The following WIPF1 variants were observed in gnomAD, a reference collection of about 807,000 sequenced individuals.
WIPF1 encodes the protein WAS/WASL interacting protein family member 1.
In WIPF1, 13 loss-of-function variants were observed where a neutral mutation model predicts 35.4. The observed-to-expected ratio is 0.37, with a 90% CI of 0.24 to 0.58. The LOEUF is 0.58. WIPF1 is among the 20% of genes least tolerant of loss of function. WIPF1 has a pLI of 0.74. For synonymous variants in WIPF1, 267 were observed against 266.3 expected (o/e 1.00, Z -0.02); for missense variants, 591 against 667.0 (o/e 0.89, Z 1.25).
chr2:174,632,217 G>A (rs1160178724), intron 1 of WIPF1, among the ~76,000 whole-genome samples: 1 of 152,118 alleles, frequency 6.6e-6, no homozygotes, highest in Non-Finnish European at 1.5e-5. Flanking sequence ...GCCATTCTGT[G>A]TCTCCACTCG....
At chr2:174,652,720 G>A (rs7590527) in intron 1 of WIPF1, among the ~76,000 whole-genome samples, 1 of 151,910 alleles carries the variant, frequency 6.6e-6, no homozygotes, top group African/African-American at 2.4e-5. Flanking sequence ...GTGTGGCTGG[G>A]GTAAGTCAGT....
intron 1 of WIPF1, among the ~76,000 whole-genome samples, chr2:174,670,356 G>C (rs939700350): frequency 6.6e-6 from 1 of 152,202 alleles, no homozygotes; most frequent in African/African-American, 2.4e-5. Context: ...CACAGGGAAA[G>C]CTTCTATTAG....
intron 1 of WIPF1, among the ~76,000 whole-genome samples, chr2:174,642,558 A>G (rs575898407): frequency 6.6e-6 from 1 of 152,098 alleles, no homozygotes; most frequent in Non-Finnish European, 1.5e-5. Context: ...TGTGTTAGCC[A>G]GGATAGTCTC....
At chr2:174,608,441 C>T (rs1686242790) in intron 1 of WIPF1, among the ~76,000 whole-genome samples, 1 of 152,106 alleles carries the variant, frequency 6.6e-6, no homozygotes, top group African/African-American at 2.4e-5. Flanking sequence ...GTTGGAACAT[C>T]ACTTGCCTTA....
At chr2:174,637,719 GGA>G (rs1687214714) in intron 1 of WIPF1, among the ~76,000 whole-genome samples, 1 of 152,206 alleles carries the variant, frequency 6.6e-6, no homozygotes, top group South Asian at 2.1e-4. Context: ...CCCGGGAGGC[GGA>G]GCTTGCAGTG....
At chr2:174,567,247 A>G (rs1684690796) in intron 6 of WIPF1, 64 bp from the exon 7 acceptor site, 1 of 1,430,768 alleles carries the variant, frequency 7.0e-7, no homozygotes, top group African/African-American at 1.4e-5. Context: ...TTACGTAACG[A>G]AAGGCACAGA....
intron 1 of WIPF1, among the ~76,000 whole-genome samples, chr2:174,637,322 T>A (rs1687204690): frequency 6.6e-6 from 1 of 152,200 alleles, no homozygotes. Context: ...CCTCCCCAAC[T>A]GTTTATGATT....
chr2:174,661,729 C>G (rs1383952367), intron 1 of WIPF1, among the ~76,000 whole-genome samples: 1 of 152,150 alleles, frequency 6.6e-6, no homozygotes, highest in Non-Finnish European at 1.5e-5. Flanking sequence ...GCCTTAAGCA[C>G]ACCTCAACAG....
intron 1 of WIPF1, among the ~76,000 whole-genome samples, chr2:174,612,322 C>T (rs780979698): frequency 5.3e-5 from 8 of 152,090 alleles, no homozygotes; most frequent in African/African-American, 1.9e-4. Context: ...TGTGTACGTG[C>T]GTCTGTATAT....
intron 3 of WIPF1, among the ~76,000 whole-genome samples, chr2:174,576,493 T>G (rs1198532825): frequency 6.6e-6 from 1 of 152,222 alleles, no homozygotes; most frequent in Non-Finnish European, 1.5e-5. Flanking sequence ...TGATGGCCCT[T>G]TAGATTGCTA....
intron 1 of WIPF1, among the ~76,000 whole-genome samples, chr2:174,681,912 C>G (rs1409663192): frequency 6.6e-6 from 1 of 152,194 alleles, no homozygotes; most frequent in African/African-American, 2.4e-5. Flanking sequence ...CTTTGTTAAT[C>G]CCAAAGAGCT....
intron 7 of WIPF1, among the ~76,000 whole-genome samples, chr2:174,564,815 GCACACACACACACACA>G (rs10587549): frequency 6.3e-5 from 9 of 143,414 alleles, no homozygotes; most frequent in Non-Finnish European, 1.4e-4. Flanking sequence ...TTCTTCTGGT[GCACACACACACACACA>G]CACACACACA....
At position 174,608,433 on chromosome 2, in the gene WIPF1, T is replaced by C. The variant is rs1396420234; in HGVS notation, c.-38-22822A>G. Among the ~76,000 whole-genome samples the C allele has an allele frequency of 2.0e-5, 3 of 152,170 alleles. No individual in the cohort carries two copies. The East Asian group carries it at 5.8e-4, about 29-fold the overall frequency. ...AGCAAACAAATACAAGTGCTGAGGT[T>C]GGAACATCACTTGCCTTATTTCTTT... On this transcript the variant is annotated intron_variant, in intron 1 of 8. Transcript: ENST00000272746.
chr2:174,671,720 G>C (rs908682557), intron 1 of WIPF1, among the ~76,000 whole-genome samples: 2 of 152,090 alleles, frequency 1.3e-5, no homozygotes, highest in African/African-American at 4.8e-5. Flanking sequence ...ATAAGCCCCG[G>C]TCTCCCGTAG....
intron 1 of WIPF1, among the ~76,000 whole-genome samples, chr2:174,663,103 G>A (rs1316818354): frequency 1.3e-5 from 2 of 152,206 alleles, no homozygotes; most frequent in African/African-American, 4.8e-5. Flanking sequence ...ACGGTCAGGA[G>A]TGAAGAGAGG....
Position 174,568,014 on chromosome 2 carries a change from C to G in WIPF1, c.1189G>C (p.Ala397Pro), listed in dbSNP as rs755377964. ...CTCCTGGATGGCAACTGAGGGGTAG[C>G]AGGCAGGGCCCGAGATGTGCTGCCG... ...RNGSTSRALPATPQLPSRSGV... is the reference protein window; with the variant it reads ...RNGSTSRALPPTPQLPSRSGV... Residue 397 changes from alanine to proline, a missense_variant, in exon 6 of 8, where the codon GCT (alanine) becomes CCT (proline). Physicochemically the swap from Ala to Pro is conservative, Grantham distance 27. Around this residue, in one of 3 missense-constraint regions of WIPF1, gnomAD observed 117 missense variants for 149.6 expected, o/e 0.78. Coordinates refer to ENST00000679041, the MANE Select transcript of WIPF1 (RefSeq NM_001375834.1). 6.8e-6 allele frequency: 11 copies of G among 1,613,896 alleles called. No individual in the cohort carries two copies. Among genetic ancestry groups the G allele is most frequent in the Non-Finnish European group, 9.3e-6 (11 of 1,180,030 alleles).
chr2:174,569,321 C>G (rs1400215209), intron 5 of WIPF1, among the ~76,000 whole-genome samples: 1 of 152,138 alleles, frequency 6.6e-6, no homozygotes, highest in East Asian at 1.9e-4. Flanking sequence ...TCTTCAGTGC[C>G]TCACCTGGGA....
At chr2:174,674,406 A>C (rs953086067) in intron 1 of WIPF1, among the ~76,000 whole-genome samples, 8 of 152,210 alleles carry the variant, frequency 5.3e-5, no homozygotes, top group South Asian at 4.1e-4. Flanking sequence ...TTTCCCATTA[A>C]AACATTTATA....
chr2:174,586,552 G>C (rs1421364941), intron 1 of WIPF1, among the ~76,000 whole-genome samples: 1 of 152,102 alleles, frequency 6.6e-6, no homozygotes, highest in African/African-American at 2.4e-5. Flanking sequence ...CCAGGGCCAG[G>C]AGAGACGATG....
Sources: allele counts gnomAD v4.1 joint callset (sites outside exome capture counted in the v4.1 genomes callset), GRCh38; gene constraint gnomAD v4.1.1; regional missense constraint gnomAD v4.1.1; transcripts MANE v1.5; gene names NCBI Gene and HGNC (gene_info 2026-07-23, HGNC 2026-07-21).